RBFOX1: variants seen among roughly 807,000 people sequenced by gnomAD.
RBFOX1 encodes RNA binding protein fox-1 homolog 1.
A neutral mutation model predicts 57.7 loss-of-function variants in RBFOX1; 8 were observed. The observed-to-expected ratio is 0.14, with a 90% CI of 0.08 to 0.25. RBFOX1 has a LOEUF of 0.25. Ranked by LOEUF, RBFOX1 falls within the 10% of genes least tolerant of loss-of-function variation. The probability of loss-of-function intolerance (pLI) is 1.00; values close to 1 mark genes in which losing one functional copy is unlikely to be tolerated. For missense variants in RBFOX1, 611 were observed against 548.5 expected (o/e 1.11, Z -1.14); for synonymous variants, 326 against 222.4 (o/e 1.47, Z -4.15).
intron 3 of RBFOX1, among the ~76,000 whole-genome samples, chr16:6,937,503 G>C (rs930354964): frequency 6.6e-6 from 1 of 152,104 alleles, no homozygotes; most frequent in African/African-American, 2.4e-5. Context: ...ACATAGGAGT[G>C]ACACAGACAT....
intron 4 of RBFOX1, among the ~76,000 whole-genome samples, chr16:7,480,872 G>A (rs756966021): frequency 2.0e-5 from 3 of 152,210 alleles, no homozygotes; most frequent in Admixed American, 6.5e-5. Flanking sequence ...GTCCTCCTGG[G>A]GCTGCTTCCC....
intron 4 of RBFOX1, among the ~76,000 whole-genome samples, chr16:5,967,995 TCA>T (rs1310538850): frequency 6.6e-6 from 1 of 152,212 alleles, no homozygotes; most frequent in Non-Finnish European, 1.5e-5. Flanking sequence ...TTATAAACCC[TCA>T]GTCTTAGTTC....
intron 2 of RBFOX1, among the ~76,000 whole-genome samples, chr16:6,446,304 G>A (rs1252519379): frequency 6.6e-6 from 1 of 152,158 alleles, no homozygotes; most frequent in Non-Finnish European, 1.5e-5. Context: ...CACCTGGCCA[G>A]TAGGTGCTTT....
At chr16:6,543,134 C>T (rs2096847039) in intron 2 of RBFOX1, among the ~76,000 whole-genome samples, 1 of 152,164 alleles carries the variant, frequency 6.6e-6, no homozygotes, top group African/African-American at 2.4e-5. Flanking sequence ...GAGTTACACT[C>T]AAAATGTGGC....
rs189405687 is a variant in RBFOX1 at position 7,308,137 on chromosome 16, C to G, written c.28-210010C>G. On this transcript the variant is annotated intron_variant, in intron 4 of 15. Transcript: ENST00000550418. ...AGCCACACACACATGCATGGACACA[C>G]AGGACACAGAAATCTAGAGATGGTT... Among the ~76,000 whole-genome samples the G allele has an allele frequency of 3.5e-4, 53 of 152,196 alleles. 1 individual carries two copies. In the East Asian group the frequency reaches 8.9e-3, roughly 26 times the overall value.
chr16:7,107,835 A>G (rs184202099), intron 4 of RBFOX1, among the ~76,000 whole-genome samples: 66 of 152,196 alleles, frequency 4.3e-4, no homozygotes, highest in Admixed American at 1.2e-3. Flanking sequence ...AAACATCTCT[A>G]ACAATAACCT....
intron 4 of RBFOX1, among the ~76,000 whole-genome samples, chr16:7,356,588 T>C (rs1397273784): frequency 1.3e-5 from 2 of 152,156 alleles, no homozygotes; most frequent in Non-Finnish European, 2.9e-5. Context: ...TGGATTTTTA[T>C]AGAGGTGCAG....
At chr16:5,758,033 C>G (rs74006256) in intron 3 of RBFOX1, among the ~76,000 whole-genome samples, 5,741 of 152,226 alleles carry the variant, frequency 0.038, 339 homozygotes, top group African/African-American at 0.13. Flanking sequence ...CTGGAACTTG[C>G]AGCAACCTGG....
intron 1 of RBFOX1, among the ~76,000 whole-genome samples, chr16:6,264,926 C>G (rs567562967): frequency 6.6e-6 from 1 of 152,114 alleles, no homozygotes; most frequent in Non-Finnish European, 1.5e-5. Context: ...AATAATTGAG[C>G]GAAGGAACTC....
chr16:6,488,502 G>A (rs1278698585), intron 2 of RBFOX1, among the ~76,000 whole-genome samples: 1 of 152,134 alleles, frequency 6.6e-6, no homozygotes, highest in African/African-American at 2.4e-5. Flanking sequence ...TTACAACTCT[G>A]CAAGGTAGGT....
At chr16:6,907,783 A>C (rs997398991) in intron 3 of RBFOX1, among the ~76,000 whole-genome samples, 1 of 146,334 alleles carries the variant, frequency 6.8e-6, no homozygotes, top group African/African-American at 2.4e-5. Context: ...CATTTTGGCC[A>C]GGCTGGTCTC....
At chr16:5,662,273 C>A (rs1447286203) in intron 3 of RBFOX1, among the ~76,000 whole-genome samples, 2 of 152,062 alleles carry the variant, frequency 1.3e-5, no homozygotes, top group South Asian at 4.1e-4. Flanking sequence ...TTCAGGACTC[C>A]TTTATGCTCT....
chr16:5,805,679 A>T (rs896778763), intron 3 of RBFOX1, among the ~76,000 whole-genome samples: 2 of 152,224 alleles, frequency 1.3e-5, no homozygotes, highest in African/African-American at 4.8e-5. Context: ...AGGATAAATT[A>T]GCAGAACTCA....
intron 15 of RBFOX1, chr16:7,709,753 G>C (rs1364158159): frequency 1.6e-5 from 3 of 182,440 alleles, no homozygotes; most frequent in Admixed American, 9.0e-5. Context: ...TTTTGGGAGG[G>C]GGTGGGGGGA....
At chr16:6,648,938 C>G (rs1052563285) in intron 2 of RBFOX1, among the ~76,000 whole-genome samples, 1 of 152,254 alleles carries the variant, frequency 6.6e-6, no homozygotes, top group South Asian at 2.1e-4. Context: ...TATACATTAC[C>G]TCACAACGTC....
At chr16:7,396,581 A>C (rs546883337) in intron 4 of RBFOX1, among the ~76,000 whole-genome samples, 4 of 152,268 alleles carry the variant, frequency 2.6e-5, no homozygotes, top group African/African-American at 9.6e-5. Flanking sequence ...ACTTAACGTT[A>C]CTTTAAGCTC....
intron 5 of RBFOX1, among the ~76,000 whole-genome samples, chr16:7,572,086 C>G (rs2092837139): frequency 6.6e-6 from 1 of 152,178 alleles, no homozygotes; most frequent in African/African-American, 2.4e-5. Flanking sequence ...AAGATCGCAC[C>G]ATTGCACTCC....
At chr16:6,651,288 A>T (rs1445205608) in intron 2 of RBFOX1, among the ~76,000 whole-genome samples, 1 of 152,080 alleles carries the variant, frequency 6.6e-6, no homozygotes, top group Non-Finnish European at 1.5e-5. Flanking sequence ...CAGGCTACAG[A>T]CCGTGCAACG....
chr16:5,720,698 T>C (rs1474755549), intron 3 of RBFOX1, among the ~76,000 whole-genome samples: 1 of 152,226 alleles, frequency 6.6e-6, no homozygotes, highest in Middle Eastern at 3.2e-3. Context: ...TCTCTTGCCC[T>C]TGAATGCCCT....
Sources: allele counts gnomAD v4.1 joint callset (sites outside exome capture counted in the v4.1 genomes callset), GRCh38; gene constraint gnomAD v4.1.1; transcripts MANE v1.5; gene names NCBI Gene and HGNC (gene_info 2026-07-23, HGNC 2026-07-21).